The following PTPRN2 variants were observed in gnomAD, a reference collection of about 807,000 sequenced individuals.
PTPRN2 encodes receptor-type tyrosine-protein phosphatase N2.
A neutral mutation model predicts 118.8 loss-of-function variants in PTPRN2; 74 were observed. The observed-to-expected ratio is 0.62, with a 90% CI of 0.52 to 0.76. The LOEUF is 0.76. Among genes scored for constraint, PTPRN2 ranks in the 30% least tolerant of loss-of-function variants. The probability of loss-of-function intolerance (pLI) is 0.00; values close to 1 mark genes in which losing one functional copy is unlikely to be tolerated. For missense variants in PTPRN2, 1,481 were observed against 1,394.4 expected, an observed-to-expected ratio of 1.06 and a Z score of -0.99; for synonymous variants, 641 against 608.0, an observed-to-expected ratio of 1.05 and a Z score of -0.80.
At chr7:158,456,397 T>C (rs1354917192) in intron 2 of PTPRN2, among the ~76,000 whole-genome samples, 1 of 144,436 alleles carries the variant, frequency 6.9e-6, no homozygotes, top group Non-Finnish European at 1.5e-5. Flanking sequence ...GCAGAGAACA[T>C]AACAGCACGG....
chr7:157,901,748 CGTCCGTGTTTCCTGGGTCCTG>C (rs1797457906), intron 11 of PTPRN2, among the ~76,000 whole-genome samples: 1 of 52,932 alleles, frequency 1.9e-5, no homozygotes, highest in African/African-American at 6.3e-5. Context: ...GGGGCCTTCC[CGTCCGTGTTTCCTGGGTCCTG>C]AGGCGGGGCC....
At chr7:157,706,939 G>C (rs1798363050) in intron 12 of PTPRN2, among the ~76,000 whole-genome samples, 1 of 151,038 alleles carries the variant, frequency 6.6e-6, no homozygotes, top group Admixed American at 6.6e-5. Context: ...ATCTGACCCA[G>C]GTGCCTTCTG....
intron 12 of PTPRN2, among the ~76,000 whole-genome samples, chr7:157,715,572 G>A (rs1420216360): frequency 2.0e-5 from 3 of 152,232 alleles, no homozygotes; most frequent in Non-Finnish European, 4.4e-5. Flanking sequence ...GCCAGGCACT[G>A]CGCTGGTGTA....
At chr7:157,816,926 A>G (rs1482437822) in intron 12 of PTPRN2, among the ~76,000 whole-genome samples, 1 of 152,226 alleles carries the variant, frequency 6.6e-6, no homozygotes, top group East Asian at 1.9e-4. Flanking sequence ...GGGCACCCCA[A>G]GACCTCTCTC....
At chr7:158,052,324 T>C (rs1435691061) in intron 11 of PTPRN2, among the ~76,000 whole-genome samples, 1 of 152,214 alleles carries the variant, frequency 6.6e-6, no homozygotes, top group Non-Finnish European at 1.5e-5. Flanking sequence ...AACCCAGGTA[T>C]GAAAATTGGA....
chr7:158,284,759 A>G (rs754703958), intron 3 of PTPRN2, among the ~76,000 whole-genome samples: 2 of 152,190 alleles, frequency 1.3e-5, no homozygotes, highest in Non-Finnish European at 2.9e-5. Flanking sequence ...CATCCAATGG[A>G]GTGAGCAGGT....
At chr7:158,398,633 C>A (rs1020911405) in intron 2 of PTPRN2, among the ~76,000 whole-genome samples, 1 of 152,190 alleles carries the variant, frequency 6.6e-6, no homozygotes, top group African/African-American at 2.4e-5. Flanking sequence ...AATGAGCAAA[C>A]CTCTAACCCA....
At chr7:157,934,318 A>G (rs984691112) in intron 11 of PTPRN2, among the ~76,000 whole-genome samples, 1 of 152,212 alleles carries the variant, frequency 6.6e-6, no homozygotes, top group Non-Finnish European at 1.5e-5. Context: ...CTAAGAATTG[A>G]TTTGACTTTA....
At position 157,763,907 on chromosome 7, in the gene PTPRN2, C is replaced by T. The variant is rs997307768; in HGVS notation, c.1789-80970G>A. ...CCTTTTGTTTTCAGAGAAGCAACAA[C>T]ACCTCATATTCAGTCTAACCTGTGA... On this transcript the variant is annotated intron_variant, in intron 12 of 22. Transcript: ENST00000389418. This position sits in a 1 kb window ranked among gnomAD's most constrained non-coding sequence, Gnocchi z 4.9. Among the ~76,000 whole-genome samples the T allele has an allele frequency of 3.9e-5, 6 of 152,158 alleles. No individual in the cohort carries two copies. The highest frequency in any genetic ancestry group is 1.4e-4 in the African/African-American group (6 of 41,444).
intron 1 of PTPRN2, among the ~76,000 whole-genome samples, chr7:158,571,921 C>T (rs1297509180): frequency 2.6e-5 from 4 of 152,104 alleles, no homozygotes; most frequent in Admixed American, 2.6e-4. Flanking sequence ...GTATATACAA[C>T]ATGGAAAATT....
At chr7:158,268,208 C>T (rs1210569358) in intron 3 of PTPRN2, among the ~76,000 whole-genome samples, 1 of 152,228 alleles carries the variant, frequency 6.6e-6, no homozygotes, top group Non-Finnish European at 1.5e-5. Context: ...AGAGCCGCGG[C>T]CGCACGCACA....
intron 2 of PTPRN2, among the ~76,000 whole-genome samples, chr7:158,386,649 C>A (rs1414989358): frequency 6.6e-6 from 1 of 152,132 alleles, no homozygotes; most frequent in Non-Finnish European, 1.5e-5. Context: ...AACATTTAAC[C>A]TGGAAAAAAA....
At chr7:157,692,302 C>T (rs1169553630) in intron 12 of PTPRN2, among the ~76,000 whole-genome samples, 1 of 152,230 alleles carries the variant, frequency 6.6e-6, no homozygotes, top group Non-Finnish European at 1.5e-5. Flanking sequence ...CCCACCTCCC[C>T]AGGCCAGGCC....
chr7:157,539,103 C>G lies in PTPRN2; in HGVS notation c.*1611G>C, dbSNP rs545151373. The G allele has an allele frequency of 6.6e-6, 1 of 152,308 alleles. No individual in the cohort carries two copies. The highest frequency in any genetic ancestry group is 2.1e-4 in the South Asian group (1 of 4,826). 9.4% of individuals were successfully genotyped at this position (152,308 alleles called of 1,614,324 possible). Reference sequence around the variant, plus strand: ...GACACAATTAAATATATTTGTATATCTCACACCGGAGGTTTCTCTTCAAAC... The same window carrying G: ...GACACAATTAAATATATTTGTATATGTCACACCGGAGGTTTCTCTTCAAAC... On this transcript the variant is annotated 3_prime_UTR_variant, in exon 23 of 23. Coordinates refer to ENST00000389418, the MANE Select transcript of PTPRN2 (RefSeq NM_002847.5).
chr7:158,144,270 T>C (rs1167214890), intron 6 of PTPRN2, among the ~76,000 whole-genome samples: 1 of 152,192 alleles, frequency 6.6e-6, no homozygotes, highest in Admixed American at 6.5e-5. Flanking sequence ...TTTATAAAAA[T>C]GATGTGCACA....
At chr7:157,979,770 T>A (rs1352889996) in intron 11 of PTPRN2, among the ~76,000 whole-genome samples, 1 of 152,218 alleles carries the variant, frequency 6.6e-6, no homozygotes, top group Non-Finnish European at 1.5e-5. Context: ...CTGGACTTTA[T>A]GACTCGCATC....
chr7:158,000,627 G>C lies in PTPRN2; in HGVS notation c.1723+80671C>G, dbSNP rs546752901. Among the ~76,000 whole-genome samples the C allele has an allele frequency of 8.3e-3, 353 of 42,636 alleles. 1 individual carries two copies. Among genetic ancestry groups the C allele is most frequent in the African/African-American group, 0.031 (323 of 10,556 alleles). 28.0% of individuals were successfully genotyped at this position (42,636 alleles called of 152,430 possible). On this transcript the variant is annotated intron_variant, in intron 11 of 22. Coordinates refer to ENST00000389418, the MANE Select transcript of PTPRN2 (RefSeq NM_002847.5). ...TGGGGAGCAGGGTGGGGCTGGGGTC[G>C]GGCCGCAGGTGGGGAGCAGGGTGGG...
intron 14 of PTPRN2, among the ~76,000 whole-genome samples, chr7:157,631,451 C>G (rs1034991056): frequency 1.3e-5 from 2 of 152,222 alleles, no homozygotes; most frequent in Non-Finnish European, 1.5e-5. Flanking sequence ...AGAATCCCAG[C>G]ACTTTGGGAG....
rs145136090 is a variant in PTPRN2 at position 158,577,930 on chromosome 7, C to T, written c.112+9628G>A. ...GCCACCTCCCTCTCCCCTTGCCATC[C>T]CCACAGGCCAGGAAGATGGGCACAG... On this transcript the variant is annotated intron_variant, in intron 1 of 22. Transcript: ENST00000389418. 2.6e-3 allele frequency among the ~76,000 whole-genome samples: 395 copies of T among 152,254 alleles called. 1 individual carries two copies. The highest frequency in any genetic ancestry group is 0.01 in the Middle Eastern group (3 of 294).
Sources: gnomAD v4.1 joint callset for allele counts (sites outside exome capture counted in the v4.1 genomes callset) on GRCh38, gnomAD v4.1.1 for gene constraint, Gnocchi (gnomAD v3.1) non-coding constraint, MANE v1.5 for transcripts, NCBI Gene and HGNC (gene_info 2026-07-23, HGNC 2026-07-21) for gene names.